Variants in DNAJC24 observed in about 807,000 individuals in gnomAD.
DNAJC24 encodes the protein dnaJ homolog subfamily C member 24.
In DNAJC24, 17 loss-of-function variants were observed where a neutral mutation model predicts 18.0. The observed-to-expected ratio is 0.94, with a 90% CI of 0.65 to 1.42. DNAJC24 has a LOEUF of 1.42. DNAJC24 is among the 40% of genes most tolerant of loss of function. The pLI is 0.00. For missense variants in DNAJC24, 158 were observed against 175.6 expected, an observed-to-expected ratio of 0.90 and a Z score of 0.57; for synonymous variants, 55 against 57.7, an observed-to-expected ratio of 0.95 and a Z score of 0.21.
At chr11:31,393,474 T>C (rs1952517556) in intron 2 of DNAJC24, among the ~76,000 whole-genome samples, 1 of 152,190 alleles carries the variant, frequency 6.6e-6, no homozygotes, top group South Asian at 2.1e-4. Flanking sequence ...GGTAGGAGTT[T>C]TATGGGGTGA....
intron 2 of DNAJC24, among the ~76,000 whole-genome samples, chr11:31,402,917 A>T (rs1952614698): frequency 1.3e-5 from 2 of 152,328 alleles, no homozygotes; most frequent in Admixed American, 1.3e-4. Flanking sequence ...ACTAGGCAGT[A>T]GGAATTTTTT....
At chr11:31,408,059 A>G in intron 2 of DNAJC24, 2 of 453,996 alleles carry the variant, frequency 4.4e-6, no homozygotes, top group Non-Finnish European at 8.8e-6. Context: ...TATCAAATAT[A>G]AAAAAAATTC....
At chr11:31,380,220 A>G (rs756768845) in intron 2 of DNAJC24, among the ~76,000 whole-genome samples, 28 of 152,366 alleles carry the variant, frequency 1.8e-4, no homozygotes, top group Admixed American at 3.3e-4. Context: ...GAATCTAGCT[A>G]AAAGAATCAT....
At chr11:31,418,678 A>G (rs886782342) in intron 3 of DNAJC24, among the ~76,000 whole-genome samples, 7 of 152,078 alleles carry the variant, frequency 4.6e-5, no homozygotes, top group Non-Finnish European at 1.0e-4. Flanking sequence ...GTAAGGTAGA[A>G]CCTTCACTAT....
At chr11:31,414,161 A>G (rs868644695) in intron 2 of DNAJC24, among the ~76,000 whole-genome samples, 1 of 152,232 alleles carries the variant, frequency 6.6e-6, no homozygotes. Flanking sequence ...GAAAATTCAC[A>G]TAAGATTCTT....
chr11:31,400,486 G>T (rs975423972), intron 2 of DNAJC24, among the ~76,000 whole-genome samples: 1 of 152,058 alleles, frequency 6.6e-6, no homozygotes, highest in African/African-American at 2.4e-5. Flanking sequence ...TATACTACAA[G>T]GCTACAGTAA....
chr11:31,419,877 C>G (rs1952786742), intron 3 of DNAJC24, among the ~76,000 whole-genome samples: 1 of 152,030 alleles, frequency 6.6e-6, no homozygotes, highest in South Asian at 2.1e-4. Context: ...CCTGTGTGAG[C>G]TTTTATTCTC....
At chr11:31,410,558 G>T (rs1446747408) in intron 2 of DNAJC24, among the ~76,000 whole-genome samples, 1 of 152,174 alleles carries the variant, frequency 6.6e-6, no homozygotes, top group Non-Finnish European at 1.5e-5. Context: ...TATCAGTTTT[G>T]TGTTACACAG....
At chr11:31,424,455 A>AT (rs1487265779) in intron 3 of DNAJC24, among the ~76,000 whole-genome samples, 1 of 152,134 alleles carries the variant, frequency 6.6e-6, no homozygotes, top group Non-Finnish European at 1.5e-5. Flanking sequence ...TGTGATTAAG[A>AT]TTTTTGTCCC....
chr11:31,370,292 T>G (rs776120368), intron 1 of DNAJC24, among the ~76,000 whole-genome samples: 3 of 152,152 alleles, frequency 2.0e-5, no homozygotes, highest in Non-Finnish European at 4.4e-5. Flanking sequence ...CCAAATTTAT[T>G]TTAATTCTTT....
chr11:31,389,911 G>A (rs920750686), intron 2 of DNAJC24, among the ~76,000 whole-genome samples: 1 of 152,146 alleles, frequency 6.6e-6, no homozygotes, highest in African/African-American at 2.4e-5. Context: ...TGAATGATCA[G>A]TGGGTCAATG....
intron 2 of DNAJC24, among the ~76,000 whole-genome samples, chr11:31,409,712 A>G (rs936402537): frequency 5.3e-5 from 8 of 152,224 alleles, no homozygotes; most frequent in Admixed American, 3.3e-4. Flanking sequence ...CTGTTAATCT[A>G]TTCTTCTATG....
chr11:31,399,557 G>A (rs1296767753), intron 2 of DNAJC24, among the ~76,000 whole-genome samples: 1 of 151,556 alleles, frequency 6.6e-6, no homozygotes, highest in Non-Finnish European at 1.5e-5. Flanking sequence ...GGGAGTACAG[G>A]CGCACGCCAT....
chr11:31,426,577 C>T lies in DNAJC24; in HGVS notation c.319+222C>T, dbSNP rs561513155. On this transcript the variant is annotated intron_variant, in intron 4 of 4. Transcript: ENST00000465995. ...ACTCATTTCCAGTTATTTTTATATTCTAATTAGATGTTAGGAACATAAAGT... is the reference window on the plus strand; with the variant it reads ...ACTCATTTCCAGTTATTTTTATATTTTAATTAGATGTTAGGAACATAAAGT... 5 of 394,086 alleles carry T rather than the reference C, an allele frequency of 1.3e-5. No individual in the cohort carries two copies. The South Asian group carries it at 3.6e-4, about 28-fold the overall frequency. 24.4% of individuals were successfully genotyped at this position (394,086 alleles called of 1,614,324 possible).
chr11:31,396,259 C>G (rs1952541828), intron 2 of DNAJC24: 1 of 454,200 alleles, frequency 2.2e-6, no homozygotes, highest in East Asian at 7.0e-5. Context: ...GCTTGTCTGA[C>G]CACTGCTCTA....
At chr11:31,427,170 A>G (rs373945668) in intron 4 of DNAJC24, 1 of 152,188 alleles carries the variant, frequency 6.6e-6, no homozygotes, top group Non-Finnish European at 1.5e-5. Context: ...ATAAAAATCT[A>G]CTAATGAGTG....
At chr11:31,407,706 A>AATATATATAT (rs869293205) in intron 2 of DNAJC24, among the ~76,000 whole-genome samples, 141 of 61,676 alleles carry the variant, frequency 2.3e-3, no homozygotes, top group South Asian at 4.0e-3. Flanking sequence ...AAAAAAAAAA[A>AATATATATAT]ATATATATAT....
At chr11:31,408,474 A>C (rs1323847979) in intron 2 of DNAJC24, 1 of 238,238 alleles carries the variant, frequency 4.2e-6, no homozygotes, top group African/African-American at 2.3e-5. Flanking sequence ...CTTAGACTTA[A>C]TATGTAGAGA....
intron 2 of DNAJC24, among the ~76,000 whole-genome samples, chr11:31,392,732 C>T (rs1325014376): frequency 2.9e-5 from 4 of 135,722 alleles, no homozygotes; most frequent in African/African-American, 8.3e-5. Context: ...TTTTTTGAGA[C>T]GGAGTCTTGC....
Sources: gnomAD v4.1 joint callset for allele counts (sites outside exome capture counted in the v4.1 genomes callset) on GRCh38, gnomAD v4.1.1 for gene constraint, MANE v1.5 for transcripts, NCBI Gene and HGNC (gene_info 2026-07-23, HGNC 2026-07-21) for gene names.